The following CD109 variants were observed in gnomAD, a reference collection of about 807,000 sequenced individuals.
CD109 encodes CD109 antigen.
A neutral mutation model predicts 165.8 loss-of-function variants in CD109; 149 were observed. The ratio of observed to expected loss-of-function variants is 0.90; its 90% CI spans 0.79 to 1.03. The LOEUF (loss-of-function observed/expected upper bound fraction) is 1.03, where lower values mean the gene tolerates loss of function less well. Among genes scored for constraint, CD109 ranks in the 50% least tolerant of loss-of-function variants. The pLI is 0.00. For missense variants in CD109, 1,712 were observed against 1,677.8 expected (o/e 1.02, Z -0.36); for synonymous variants, 585 against 592.1 (o/e 0.99, Z 0.18).
chr6:73,785,553 T>G, intron 20 of CD109, 76 bp downstream of exon 20: 1 of 759,086 alleles, frequency 1.3e-6, no homozygotes, highest in South Asian at 1.8e-5. Flanking sequence ...TTGGGTTGTG[T>G]AGTATCTGGG....
chr6:73,697,366 A>G, intron 1 of CD109, 34 bp from the exon 2 acceptor site: 1 of 1,601,272 alleles, frequency 6.2e-7, no homozygotes, highest in Non-Finnish European at 8.5e-7. Context: ...TGAGGATAAG[A>G]AACTTTGTTT....
chr6:73,766,574 G>C (rs547362834), intron 11 of CD109, among the ~76,000 whole-genome samples, 185 bp from the exon 12 acceptor site: 2 of 147,554 alleles, frequency 1.4e-5, no homozygotes, highest in African/African-American at 2.5e-5. Context: ...GTGTTTTAAA[G>C]CTATCAGTTT....
chr6:73,743,458 G>A (rs1344811494), intron 5 of CD109, among the ~76,000 whole-genome samples: 2 of 152,196 alleles, frequency 1.3e-5, no homozygotes, highest in Non-Finnish European at 2.9e-5. Flanking sequence ...GCATCTAACA[G>A]TTATATCTAG....
intron 31 of CD109, among the ~76,000 whole-genome samples, chr6:73,819,714 A>G (rs1776047039): frequency 6.6e-6 from 1 of 152,222 alleles, no homozygotes; most frequent in South Asian, 2.1e-4. Flanking sequence ...TTTAGGAATT[A>G]TCTTACATTA....
chr6:73,765,857 A>G, intron 10 of CD109, 73 bp from the exon 11 acceptor site: 5 of 1,083,088 alleles, frequency 4.6e-6, no homozygotes, highest in Non-Finnish European at 6.8e-6. Flanking sequence ...TCATGAGAAT[A>G]CTACAGACGG....
At chr6:73,714,034 A>G (rs1279703583) in intron 2 of CD109, among the ~76,000 whole-genome samples, 2 of 152,220 alleles carry the variant, frequency 1.3e-5, no homozygotes, top group East Asian at 3.9e-4. Flanking sequence ...CATAATAGTC[A>G]ACCCCTGATG....
chr6:73,759,328 CA>C (rs111834458), intron 7 of CD109, among the ~76,000 whole-genome samples: 25 of 151,820 alleles, frequency 1.6e-4, no homozygotes, highest in African/African-American at 6.1e-4. Flanking sequence ...GACTTGAAGC[CA>C]CCACGCCTGG....
chr6:73,810,031 T>A lies in CD109; in HGVS notation c.3403T>A (p.Trp1135Arg). 6.2e-7 allele frequency: 1 copy of A among 1,601,982 alleles called. No homozygotes were observed. Among genetic ancestry groups the A allele is most frequent in the Non-Finnish European group, 8.5e-7 (1 of 1,175,970 alleles). Residue 1135 changes from tryptophan (W) to arginine (R), a missense_variant, in exon 27 of 33, where the codon TGG (tryptophan) becomes AGG (arginine). By Grantham distance (101) the Trp-to-Arg change is moderately radical (BLOSUM62 -3). Coordinates refer to ENST00000287097, the MANE Select transcript of CD109 (RefSeq NM_133493.5). ...ATCAGAGTCCAAACTTTCTGACTCC[T>A]GGCAGCCACGCTCCCTGGATATTGA... ...VSSESKLSDSWQPRSLDIEVA... is the reference protein window; with the variant it reads ...VSSESKLSDSRQPRSLDIEVA...
At chr6:73,763,540 A>C in intron 9 of CD109, 36 bp from the exon 10 acceptor site, 1 of 1,185,422 alleles carries the variant, frequency 8.4e-7, no homozygotes, top group Non-Finnish European at 1.2e-6. Flanking sequence ...GTGAAACATT[A>C]CTTTTGCTTT....
chr6:73,696,239 C>G lies in CD109; in HGVS notation c.24C>G (p.Thr8=), dbSNP rs945505036. 6.5e-7 allele frequency: 1 copy of G among 1,543,806 alleles called. No individual in the cohort carries two copies. The highest frequency in any genetic ancestry group is 8.7e-7 in the Non-Finnish European group (1 of 1,149,346). MQGPPLL[T]AAHLLCVCTA... is the part of the protein sequence containing the mutation. The stretch of plus-strand genomic sequence containing the variant: ...AGATGCAGGGCCCACCGCTCCTGAC[C>G]GCCGCCCACCTCCTCTGCGTGTGCA... The change falls in exon 1 of 33, where the codon ACC becomes ACG. Residue 8 remains threonine, a synonymous_variant. Transcript: ENST00000287097.
intron 1 of CD109, 66 bp from the exon 2 acceptor site, chr6:73,697,334 G>C (rs1467743849): frequency 8.8e-6 from 13 of 1,476,424 alleles, no homozygotes; most frequent in Middle Eastern, 2.4e-4. Context: ...GGAAATCTGA[G>C]GGTCACAAAA....
chr6:73,796,571 G>C (rs72957379), intron 23 of CD109, among the ~76,000 whole-genome samples: 3,753 of 152,244 alleles, frequency 0.025, 70 homozygotes, highest in East Asian at 0.042. Flanking sequence ...TAGAGGGGGA[G>C]CTCTGTGACA....
rs1372773098 is a variant in CD109, at chr6:73,772,576, T to A, written c.1827+995T>A. 4.4e-5 allele frequency among the ~76,000 whole-genome samples: 6 copies of A among 137,408 alleles called. No homozygotes were observed. The South Asian group carries it at 1.1e-3, about 26-fold the overall frequency. 90.1% of individuals were successfully genotyped at this position (137,408 alleles called of 152,430 possible). On this transcript the variant is annotated intron_variant, in intron 15 of 32. Coordinates refer to ENST00000287097, the MANE Select transcript of CD109 (RefSeq NM_133493.5). ...AGGAATTTGCAGTATATTGAGGGGG[T>A]GAAATCATGTTACTCTGCAGAAAAC...
At chr6:73,698,485 G>A (rs1392063382) in intron 2 of CD109, among the ~76,000 whole-genome samples, 1 of 151,746 alleles carries the variant, frequency 6.6e-6, no homozygotes, top group Non-Finnish European at 1.5e-5. Context: ...GCTCCTGGCC[G>A]AGACATACAT....
In CD109 at chr6:73,765,583, A is replaced by G. The variant is rs554754937; in HGVS notation, c.1108-347A>G. Among the ~76,000 whole-genome samples, 14 of 152,246 alleles carry G rather than the reference A, an allele frequency of 9.2e-5. 1 individual carries two copies. The South Asian group carries it at 2.7e-3, about 29-fold the overall frequency. Reference sequence around the variant, plus strand: ...AATCACAGAGATGACAAGCTAAGCAATAGGATTGCTGAGACCTTGGAGGAA... The same window carrying G: ...AATCACAGAGATGACAAGCTAAGCAGTAGGATTGCTGAGACCTTGGAGGAA... On this transcript the variant is annotated intron_variant, in intron 10 of 32. Transcript: ENST00000287097.
chr6:73,817,456 C>T (rs1234444842), intron 30 of CD109, among the ~76,000 whole-genome samples: 2 of 152,154 alleles, frequency 1.3e-5, no homozygotes, highest in African/African-American at 4.8e-5. Context: ...GCAGAGCCAG[C>T]TGAAGTCAGC....
At chr6:73,725,814 A>G (rs555870797) in intron 3 of CD109, among the ~76,000 whole-genome samples, 14 of 152,306 alleles carry the variant, frequency 9.2e-5, no homozygotes, top group Admixed American at 7.2e-4. Flanking sequence ...CGCCCAGCCT[A>G]CTATACTTCT....
intron 2 of CD109, among the ~76,000 whole-genome samples, chr6:73,706,810 T>A (rs1771282854): frequency 1.3e-5 from 2 of 152,194 alleles, no homozygotes; most frequent in African/African-American, 4.8e-5. Context: ...AAAGAACACC[T>A]AGTAGCTCCC....
chr6:73,785,414 T>A lies in CD109; in HGVS notation c.2274T>A (p.Val758=). ...TTTTTTTGAATCTTCCCTACTCTGT[T>A]ATCAGAGGTGAAGAATTTGCTTTGG... ...FFIFLNLPYS[V]IRGEEFALEI... is the part of the protein sequence containing the mutation. The change falls in exon 20 of 33, where the codon GTT becomes GTA. Residue 758 remains valine, a synonymous_variant. Transcript: ENST00000287097. 6.2e-7 allele frequency: 1 copy of A among 1,609,480 alleles called. No individual in the cohort carries two copies. Among genetic ancestry groups the A allele is most frequent in the Non-Finnish European group, 8.5e-7 (1 of 1,178,060 alleles).
Sources: allele counts gnomAD v4.1 joint callset (sites outside exome capture counted in the v4.1 genomes callset), GRCh38; gene constraint gnomAD v4.1.1; transcripts MANE v1.5; gene names NCBI Gene and HGNC (gene_info 2026-07-23, HGNC 2026-07-21).